The following FBXL17 variants were observed in gnomAD, a reference collection of about 807,000 sequenced individuals.
The protein encoded by FBXL17 is F-box and leucine rich repeat protein 17, also known as F-box/LRR-repeat protein 17.
Under a neutral mutation model 66.2 loss-of-function variants are expected in FBXL17, and 22 were observed. That is an observed-to-expected ratio of 0.33 (90% CI 0.24 to 0.47). The LOEUF is 0.47. Ranked by LOEUF, FBXL17 falls within the 20% of genes least tolerant of loss-of-function variation. The pLI, the probability that FBXL17 is intolerant of heterozygous loss-of-function variation, is 1.00. For synonymous variants in FBXL17, 474 were observed against 400.5 expected, an observed-to-expected ratio of 1.18 and a Z score of -2.19; for missense variants, 878 against 948.2, an observed-to-expected ratio of 0.93 and a Z score of 0.97.
intron 4 of FBXL17, among the ~76,000 whole-genome samples, chr5:108,347,641 T>C (rs780543635): frequency 6.6e-6 from 1 of 152,066 alleles, no homozygotes; most frequent in Non-Finnish European, 1.5e-5. Flanking sequence ...CCCATAGAGA[T>C]AGAAAGTAGA....
intron 4 of FBXL17, among the ~76,000 whole-genome samples, chr5:108,240,426 T>A (rs750225905): frequency 2.6e-5 from 4 of 152,058 alleles, no homozygotes; most frequent in Non-Finnish European, 5.9e-5. Flanking sequence ...CAGGCAGTAC[T>A]CCCTGTGGGC....
intron 7 of FBXL17, among the ~76,000 whole-genome samples, chr5:107,922,903 T>C (rs943069161): frequency 6.6e-6 from 1 of 152,180 alleles, no homozygotes; most frequent in Non-Finnish European, 1.5e-5. Flanking sequence ...ATGAATACTG[T>C]AGTGGGTCAT....
intron 6 of FBXL17, among the ~76,000 whole-genome samples, chr5:108,173,260 AT>A (rs1752673224): frequency 6.6e-6 from 1 of 152,106 alleles, no homozygotes. Flanking sequence ...TAATCCCGGG[AT>A]GGGGGAGGGA....
At chr5:108,031,292 T>C (rs1746630258) in intron 6 of FBXL17, among the ~76,000 whole-genome samples, 1 of 152,050 alleles carries the variant, frequency 6.6e-6, no homozygotes, top group African/African-American at 2.4e-5. Flanking sequence ...CGATTAGAAA[T>C]TCATATAAAA....
chr5:107,941,399 C>A (rs1751092335), intron 7 of FBXL17, among the ~76,000 whole-genome samples: 1 of 152,196 alleles, frequency 6.6e-6, no homozygotes, highest in Non-Finnish European at 1.5e-5. Flanking sequence ...GTGACAAGTG[C>A]AGAATACCCT....
intron 6 of FBXL17, among the ~76,000 whole-genome samples, chr5:108,143,091 A>T (rs1476025506): frequency 2.6e-5 from 4 of 151,990 alleles, no homozygotes; most frequent in Non-Finnish European, 5.9e-5. Flanking sequence ...TTAACACCTG[A>T]TGATCTAAGG....
At chr5:108,074,000 G>T (rs1748444672) in intron 6 of FBXL17, among the ~76,000 whole-genome samples, 1 of 152,060 alleles carries the variant, frequency 6.6e-6, no homozygotes, top group Non-Finnish European at 1.5e-5. Flanking sequence ...ACTGGCCAAG[G>T]CTCCACTCTC....
intron 6 of FBXL17, among the ~76,000 whole-genome samples, chr5:108,144,222 A>G (rs1296860384): frequency 6.6e-6 from 1 of 152,152 alleles, no homozygotes; most frequent in East Asian, 1.9e-4. Context: ...GTCACATTCT[A>G]ATGCTCTCAA....
intron 8 of FBXL17, among the ~76,000 whole-genome samples, chr5:107,862,486 G>A (rs541330378): frequency 6.6e-6 from 1 of 152,098 alleles, no homozygotes; most frequent in Non-Finnish European, 1.5e-5. Context: ...AATCAGACAG[G>A]CCTAATTAAA....
At chr5:107,870,791 T>G (rs1384061438) in intron 8 of FBXL17, among the ~76,000 whole-genome samples, 1 of 151,874 alleles carries the variant, frequency 6.6e-6, no homozygotes, top group Non-Finnish European at 1.5e-5. Context: ...TTCACTGTAT[T>G]AACCAGGATG....
intron 4 of FBXL17, among the ~76,000 whole-genome samples, chr5:108,243,955 A>T (rs1022343594): frequency 6.6e-6 from 1 of 152,190 alleles, no homozygotes; most frequent in Admixed American, 6.5e-5. Context: ...GCTAGTTAGT[A>T]TTTCAAAAGG....
At chr5:108,132,583 C>G (rs1286662372) in intron 6 of FBXL17, among the ~76,000 whole-genome samples, 1 of 151,840 alleles carries the variant, frequency 6.6e-6, no homozygotes, top group African/African-American at 2.4e-5. Context: ...GTATTTTCTC[C>G]TTAAAACTTA....
rs184843449 is a variant in FBXL17, at chr5:107,959,736, T to C, written c.1822+61189A>G. Among the ~76,000 whole-genome samples the C allele has an allele frequency of 3.6e-3, 548 of 152,292 alleles. 5 individuals carry two copies. Among genetic ancestry groups the C allele is most frequent in the Middle Eastern group, 0.017 (5 of 294 alleles). ...TACAGTTTTCAGGTCTTTTCCAACCTGGCCTTGATTGACACAGAATAGGGC... is the reference window on the plus strand; with the variant it reads ...TACAGTTTTCAGGTCTTTTCCAACCCGGCCTTGATTGACACAGAATAGGGC... On this transcript the variant is annotated intron_variant, in intron 7 of 8. Transcript: ENST00000542267.
At chr5:107,877,485 T>C (rs2112495880) in intron 8 of FBXL17, among the ~76,000 whole-genome samples, 1 of 152,110 alleles carries the variant, frequency 6.6e-6, no homozygotes, top group East Asian at 1.9e-4. Flanking sequence ...CCTCAAAAGG[T>C]GAAATGAGGA....
intron 6 of FBXL17, among the ~76,000 whole-genome samples, chr5:108,095,250 A>G (rs1580433453): frequency 9.6e-6 from 1 of 104,572 alleles, no homozygotes; most frequent in South Asian, 2.7e-4. Flanking sequence ...TCAAATGGTT[A>G]AAAAAAAAAA....
chr5:108,011,406 T>A (rs1418316267), intron 7 of FBXL17, among the ~76,000 whole-genome samples: 1 of 152,146 alleles, frequency 6.6e-6, no homozygotes, highest in Non-Finnish European at 1.5e-5. Flanking sequence ...TAAGGAACAC[T>A]AAAGCTAAAG....
At chr5:107,974,086 C>T (rs1752491787) in intron 7 of FBXL17, among the ~76,000 whole-genome samples, 1 of 152,082 alleles carries the variant, frequency 6.6e-6, no homozygotes, top group African/African-American at 2.4e-5. Flanking sequence ...CAAGGTTTTG[C>T]AAAGGGTGAT....
intron 4 of FBXL17, among the ~76,000 whole-genome samples, chr5:108,228,889 C>T (rs368490079): frequency 1.4e-4 from 22 of 152,030 alleles, no homozygotes; most frequent in East Asian, 1.4e-3. Flanking sequence ...GGCTCTTAAC[C>T]GAGTTGCACA....
chr5:108,053,273 G>C (rs1747553771), intron 6 of FBXL17, among the ~76,000 whole-genome samples: 1 of 151,930 alleles, frequency 6.6e-6, no homozygotes, highest in Non-Finnish European at 1.5e-5. Flanking sequence ...TAAAGAATGA[G>C]AGAAAATTTT....
Sources: allele counts gnomAD v4.1 joint callset (sites outside exome capture counted in the v4.1 genomes callset), GRCh38; gene constraint gnomAD v4.1.1; transcripts MANE v1.5; gene names NCBI Gene and HGNC (gene_info 2026-07-23, HGNC 2026-07-21).